Variants in CCDC171 observed in about 807,000 individuals in gnomAD.
CCDC171 encodes the protein coiled-coil domain-containing protein 171.
A neutral mutation model predicts 168.2 loss-of-function variants in CCDC171; 177 were observed. The ratio of observed to expected loss-of-function variants is 1.05; its 90% CI spans 0.93 to 1.19. CCDC171 has a LOEUF of 1.19. CCDC171 is among the 50% of genes most tolerant of loss of function. The pLI, the probability that CCDC171 is intolerant of heterozygous loss-of-function variation, is 0.00. For missense variants in CCDC171, 1,991 were observed against 1,539.0 expected, an observed-to-expected ratio of 1.29 and a Z score of -4.91; for synonymous variants, 687 against 540.8, an observed-to-expected ratio of 1.27 and a Z score of -3.75.
intron 24 of CCDC171, among the ~76,000 whole-genome samples, chr9:15,912,117 T>G (rs1038646407): frequency 1.1e-4 from 16 of 152,210 alleles, no homozygotes; most frequent in African/African-American, 3.9e-4. Flanking sequence ...GCAATGGCAT[T>G]GAATGTATAA....
At position 15,590,546 on chromosome 9, in the gene CCDC171, A is replaced by G. The variant is rs184794490; in HGVS notation, c.353-820A>G. On this transcript the variant is annotated intron_variant, in intron 4 of 25. Coordinates refer to ENST00000380701, the MANE Select transcript of CCDC171 (RefSeq NM_173550.4). ...ATAGGTGTTGGTTATTGTTGAGGTAATCGGGTAGGAGGTGAGTTGCACCTA... is the reference window on the plus strand; with the variant it reads ...ATAGGTGTTGGTTATTGTTGAGGTAGTCGGGTAGGAGGTGAGTTGCACCTA... 3.3e-5 allele frequency among the ~76,000 whole-genome samples: 5 copies of G among 152,308 alleles called. No individual in the cohort carries two copies. The East Asian group carries it at 9.7e-4, about 29-fold the overall frequency.
At chr9:15,621,038 T>C (rs2044462854) in intron 6 of CCDC171, among the ~76,000 whole-genome samples, 1 of 152,220 alleles carries the variant, frequency 6.6e-6, no homozygotes, top group African/African-American at 2.4e-5. Context: ...TGATCTCGAC[T>C]CACTGCAATC....
At chr9:15,691,354 T>C (rs2050761139) in intron 10 of CCDC171, among the ~76,000 whole-genome samples, 1 of 151,548 alleles carries the variant, frequency 6.6e-6, no homozygotes, top group Non-Finnish European at 1.5e-5. Context: ...TGATCCTATT[T>C]GAATTAAAAA....
At chr9:15,929,728 C>T (rs2132119948) in intron 25 of CCDC171, among the ~76,000 whole-genome samples, 1 of 151,730 alleles carries the variant, frequency 6.6e-6, no homozygotes, top group Admixed American at 6.6e-5. Context: ...ATTCACCCTG[C>T]CTTATTAGTG....
chr9:15,623,475 G>GCGCGCGCGCGCACGCGCGCACA, intron 7 of CCDC171, 62 bp downstream of exon 7: 6 of 315,476 alleles, frequency 1.9e-5, no homozygotes, highest in Admixed American at 5.1e-5. Flanking sequence ...GCGCGCGCGC[G>GCGCGCGCGCGCACGCGCGCACA]CACACACACA....
At chr9:15,996,523 A>G (rs896069024) in intron 3 of CCDC171, among the ~76,000 whole-genome samples, 1 of 148,352 alleles carries the variant, frequency 6.7e-6, no homozygotes, top group Non-Finnish European at 1.5e-5. Flanking sequence ...CGGGTGTGGA[A>G]TTTTCGACTT....
chr9:15,854,280 T>C (rs1477463158), intron 23 of CCDC171, among the ~76,000 whole-genome samples: 1 of 151,556 alleles, frequency 6.6e-6, no homozygotes, highest in Non-Finnish European at 1.5e-5. Context: ...CTTTTCTCGT[T>C]ATAGATTTCA....
intron 1 of CCDC171, among the ~76,000 whole-genome samples, chr9:16,057,256 C>G (rs1315878533): frequency 6.6e-6 from 1 of 152,114 alleles, no homozygotes; most frequent in Non-Finnish European, 1.5e-5. Context: ...GTTCAGTTCC[C>G]AAAGTCACGA....
chr9:15,787,166 T>G (rs2058007678), intron 21 of CCDC171, among the ~76,000 whole-genome samples: 2 of 152,214 alleles, frequency 1.3e-5, no homozygotes, highest in African/African-American at 4.8e-5. Flanking sequence ...TTTTGCTACA[T>G]GTATGCATTG....
intron 6 of CCDC171, among the ~76,000 whole-genome samples, chr9:15,603,057 C>T (rs2042977550): frequency 6.6e-6 from 1 of 152,152 alleles, no homozygotes; most frequent in Non-Finnish European, 1.5e-5. Context: ...TCTTGGCTCA[C>T]TGCAACCTCC....
At chr9:15,790,730 G>C (rs976811604) in intron 21 of CCDC171, among the ~76,000 whole-genome samples, 1 of 152,172 alleles carries the variant, frequency 6.6e-6, no homozygotes, top group African/African-American at 2.4e-5. Context: ...ATGGTTTCAG[G>C]TCTAACATTT....
chr9:15,637,771 C>T (rs2046313088), intron 7 of CCDC171, among the ~76,000 whole-genome samples: 1 of 151,944 alleles, frequency 6.6e-6, no homozygotes, highest in Admixed American at 6.6e-5. Flanking sequence ...TTTCCAATTT[C>T]ATCCATGTCC....
At chr9:15,791,024 G>A (rs1260215561) in intron 21 of CCDC171, among the ~76,000 whole-genome samples, 1 of 152,188 alleles carries the variant, frequency 6.6e-6, no homozygotes, top group Non-Finnish European at 1.5e-5. Flanking sequence ...TTGAAGTCAG[G>A]TAGCGTGATG....
intron 21 of CCDC171, among the ~76,000 whole-genome samples, chr9:15,825,078 AAG>A (rs1298064655): frequency 6.6e-6 from 1 of 152,124 alleles, no homozygotes; most frequent in Non-Finnish European, 1.5e-5. Context: ...GATAGAAAAA[AAG>A]AGAGTCAACT....
chr9:15,642,166 CA>C (rs1276312976), intron 7 of CCDC171, among the ~76,000 whole-genome samples: 14 of 145,666 alleles, frequency 9.6e-5, no homozygotes, highest in Admixed American at 4.1e-4. Context: ...GTCTCAAAAA[CA>C]AAAAAAAAGG....
chr9:15,745,637 G>A lies in CCDC171; in HGVS notation c.2671+6G>A, dbSNP rs746718563. 2 of 1,524,420 alleles carry A rather than the reference G, an allele frequency of 1.3e-6. No individual in the cohort carries two copies. The highest frequency in any genetic ancestry group is 1.8e-6 in the Non-Finnish European group (2 of 1,132,902). The allele number at this position is 1,524,420 out of a possible 1,614,324, so 94.4% of individuals were successfully genotyped here. ...AGACGTCATTGGTAAAGCAGGTATGGTTCCTTCTTTTATGTCCTTGCAAAA... is the reference window on the plus strand; with the variant it reads ...AGACGTCATTGGTAAAGCAGGTATGATTCCTTCTTTTATGTCCTTGCAAAA... On this transcript the variant is annotated splice_donor_region_variant and intron_variant, in intron 18 of 25. Transcript: ENST00000380701.
intron 24 of CCDC171, among the ~76,000 whole-genome samples, chr9:15,880,639 T>C (rs1818512433): frequency 6.6e-6 from 1 of 150,604 alleles, no homozygotes; most frequent in Admixed American, 6.6e-5. Flanking sequence ...TTTTTTTTTT[T>C]TTTTTTTTGT....
At chr9:15,628,344 C>T (rs921286881) in intron 7 of CCDC171, among the ~76,000 whole-genome samples, 9 of 152,148 alleles carry the variant, frequency 5.9e-5, no homozygotes, top group East Asian at 1.9e-4. Context: ...GCTTTTCCGA[C>T]GGGCTTAAAA....
intron 6 of CCDC171, among the ~76,000 whole-genome samples, chr9:16,034,929 G>A (rs1833434769): frequency 6.6e-6 from 1 of 152,138 alleles, no homozygotes; most frequent in African/African-American, 2.4e-5. Context: ...CTTAATAAAT[G>A]CACAATTGAG....
Sources: gnomAD v4.1 joint callset for allele counts (sites outside exome capture counted in the v4.1 genomes callset) on GRCh38, gnomAD v4.1.1 for gene constraint, MANE v1.5 for transcripts, NCBI Gene and HGNC (gene_info 2026-07-23, HGNC 2026-07-21) for gene names.